ADAMTS20: variants seen among roughly 807,000 people sequenced by gnomAD.
ADAMTS20 encodes the protein A disintegrin and metalloproteinase with thrombospondin motifs 20.
ADAMTS20 carries 225 observed loss-of-function variants against 260.1 expected under a neutral mutation model. That is an observed-to-expected ratio of 0.87 (90% CI 0.78 to 0.97). ADAMTS20 has a LOEUF of 0.97. Ranked by LOEUF, ADAMTS20 falls within the 50% of genes least tolerant of loss-of-function variation. The probability of loss-of-function intolerance (pLI) is 0.00; values close to 1 mark genes in which losing one functional copy is unlikely to be tolerated. For synonymous variants in ADAMTS20, 802 were observed against 769.5 expected, an observed-to-expected ratio of 1.04 and a Z score of -0.70; for missense variants, 2,400 against 2,337.7, an observed-to-expected ratio of 1.03 and a Z score of -0.55.
At chr12:43,457,019 A>T (rs1002040132) in intron 11 of ADAMTS20, among the ~76,000 whole-genome samples, 1 of 152,218 alleles carries the variant, frequency 6.6e-6, no homozygotes, top group African/African-American at 2.4e-5. Context: ...GAACATACTG[A>T]CATACTGATT....
intron 18 of ADAMTS20, among the ~76,000 whole-genome samples, chr12:43,439,204 A>G (rs1429026418): frequency 6.6e-6 from 1 of 152,162 alleles, no homozygotes; most frequent in Non-Finnish European, 1.5e-5. Flanking sequence ...GGGAAGGAAA[A>G]TAAAAGACAA....
chr12:43,427,702 A>C (rs1179295057), intron 26 of ADAMTS20, among the ~76,000 whole-genome samples: 1 of 152,242 alleles, frequency 6.6e-6, no homozygotes, highest in African/African-American at 2.4e-5. Flanking sequence ...TGCATTAGGA[A>C]ACAATTTTCA....
At chr12:43,538,989 A>G (rs1372769634) in intron 2 of ADAMTS20, among the ~76,000 whole-genome samples, 2 of 134,792 alleles carry the variant, frequency 1.5e-5, no homozygotes, top group Non-Finnish European at 3.1e-5. Flanking sequence ...GTCTCACTCT[A>G]TCACACAGAC....
At chr12:43,502,069 G>GA (rs1377283642) in intron 4 of ADAMTS20, 83 bp downstream of exon 4, 20 of 1,334,372 alleles carry the variant, frequency 1.5e-5, no homozygotes, top group African/African-American at 1.5e-5. Flanking sequence ...AAAGAGTTTG[G>GA]AAAAAAAATT....
chr12:43,506,788 T>G (rs935966158), intron 3 of ADAMTS20, among the ~76,000 whole-genome samples: 10 of 152,012 alleles, frequency 6.6e-5, no homozygotes, highest in Non-Finnish European at 1.2e-4. Context: ...ACCTTTTTTT[T>G]TTTTTTTTTA....
intron 14 of ADAMTS20, 42 bp downstream of exon 14, chr12:43,452,232 T>C: frequency 1.3e-6 from 2 of 1,544,936 alleles, no homozygotes; most frequent in Non-Finnish European, 1.7e-6. Flanking sequence ...ACATTATTCT[T>C]AAAGTCACTT....
chr12:43,386,999 A>G (rs192711937), intron 29 of ADAMTS20, among the ~76,000 whole-genome samples: 15 of 152,256 alleles, frequency 9.9e-5, no homozygotes, highest in Non-Finnish European at 2.1e-4. Context: ...CAAATCGCCA[A>G]ACTCATTCTC....
chr12:43,493,906 G>C (rs1942641538), intron 4 of ADAMTS20, among the ~76,000 whole-genome samples: 1 of 152,128 alleles, frequency 6.6e-6, no homozygotes, highest in Non-Finnish European at 1.5e-5. Context: ...GTCACAACCT[G>C]GTCCTCAATT....
intron 31 of ADAMTS20, among the ~76,000 whole-genome samples, chr12:43,379,004 C>A (rs1397776448): frequency 6.6e-6 from 1 of 152,134 alleles, no homozygotes; most frequent in Non-Finnish European, 1.5e-5. Context: ...CTTTCTAGCT[C>A]CATGGTAACC....
At chr12:43,529,784 T>A (rs907706257) in intron 3 of ADAMTS20, among the ~76,000 whole-genome samples, 6 of 152,008 alleles carry the variant, frequency 3.9e-5, no homozygotes, top group African/African-American at 1.4e-4. Context: ...CAAAAACCAC[T>A]AGTACTCCAA....
downstream of ADAMTS20, among the ~76,000 whole-genome samples, chr12:43,353,455 T>C (rs1939676065): frequency 6.6e-6 from 1 of 151,958 alleles, no homozygotes; most frequent in Non-Finnish European, 1.5e-5. Flanking sequence ...ATATTAACAT[T>C]ATAAAAACAA....
At chr12:43,410,342 C>A (rs768133034) in intron 28 of ADAMTS20, among the ~76,000 whole-genome samples, 109 of 152,172 alleles carry the variant, frequency 7.2e-4, no homozygotes, top group Admixed American at 1.6e-3. Context: ...TTTAGAAAAA[C>A]CATTCATGGA....
chr12:43,445,484 A>AC (rs1399874910), intron 15 of ADAMTS20, among the ~76,000 whole-genome samples: 2 of 152,180 alleles, frequency 1.3e-5, no homozygotes, highest in Non-Finnish European at 2.9e-5. Flanking sequence ...TTTAAATTAT[A>AC]CTGTTTTAAT....
At chr12:43,508,846 A>G (rs1942883061) in intron 3 of ADAMTS20, among the ~76,000 whole-genome samples, 1 of 152,120 alleles carries the variant, frequency 6.6e-6, no homozygotes, top group Non-Finnish European at 1.5e-5. Context: ...GACTTTATTC[A>G]TTCTATCTAA....
chr12:43,531,288 T>A (rs1271557205), intron 3 of ADAMTS20, among the ~76,000 whole-genome samples: 1 of 152,098 alleles, frequency 6.6e-6, no homozygotes, highest in African/African-American at 2.4e-5. Flanking sequence ...AGCAATGTGT[T>A]TTTACTGTTA....
At chr12:43,407,768 T>C (rs1481446670) in intron 28 of ADAMTS20, among the ~76,000 whole-genome samples, 1 of 152,164 alleles carries the variant, frequency 6.6e-6, no homozygotes, top group Non-Finnish European at 1.5e-5. Flanking sequence ...ACATTAGTTA[T>C]TGAACTTGAG....
rs1940056860 is a variant in ADAMTS20, at chr12:43,369,354, A to C, written c.5474T>G (p.Ile1825Arg). ...GGCAAATGGAACTGCATTTCCAAATATTGTTTTGGAAAAAAGAAGGTCCGT... is the reference window on the plus strand; with the variant it reads ...GGCAAATGGAACTGCATTTCCAAATCTTGTTTTGGAAAAAAGAAGGTCCGT... ...KTTDLLFSKT[I>R]FGNAVPFATA... The change falls in exon 37 of 39, where the codon ATA becomes AGA. Residue 1825 changes from isoleucine to arginine, a missense_variant. By Grantham distance (97) the Ile-to-Arg change is moderately conservative (BLOSUM62 -3). Transcript: ENST00000389420. The C allele has an allele frequency of 3.9e-6, 6 of 1,557,158 alleles. No individual in the cohort carries two copies. Among genetic ancestry groups the C allele is most frequent in the Non-Finnish European group, 5.2e-6 (6 of 1,152,812 alleles).
Position 43,502,298 on chromosome 12 carries a change from G to T in ADAMTS20, c.721C>A (p.Pro241Thr). The T allele has an allele frequency of 6.2e-7, 1 of 1,611,616 alleles. No homozygotes were observed. The highest frequency in any genetic ancestry group is 1.1e-5 in the South Asian group (1 of 90,798). ...GAATGTCTTCTTTCATCTTTCAATG[G>T]TACATTTTTTGATGTGTGTCCTAAA... is the stretch of plus-strand genomic sequence containing the variant. Reference protein sequence around the residue: ...RVLGHTSKNVPLKDERRHSRK... With the variant: ...RVLGHTSKNVTLKDERRHSRK... The change falls in exon 4 of 39, where the codon CCA (proline) becomes ACA (threonine). Residue 241 changes from proline (P) to threonine (T), a missense_variant. Physicochemically the swap from Pro to Thr is conservative, Grantham distance 38 (BLOSUM62 -1). Transcript: ENST00000389420.
rs761542663 is a variant in ADAMTS20 at position 43,466,744 on chromosome 12, T to G, written c.1275A>C (p.Thr425=). 1 of 1,610,328 alleles carries G rather than the reference T, an allele frequency of 6.2e-7. No homozygotes were observed. The highest frequency in any genetic ancestry group is 8.5e-7 in the Non-Finnish European group (1 of 1,177,286). ...AAGCAGGGGCCATTACATGATACTT[T>G]GTAACTTTCATTTCTTTACATCTAG... ...DNPRCKEMKV[T]KYHVMAPALS... is the part of the protein sequence containing the mutation. The change falls in exon 9 of 39, where the codon ACA becomes ACC. Residue 425 remains threonine (T), a synonymous_variant. Transcript: ENST00000389420.
Sources: allele counts gnomAD v4.1 joint callset (sites outside exome capture counted in the v4.1 genomes callset), GRCh38; gene constraint gnomAD v4.1.1; transcripts MANE v1.5; gene names NCBI Gene and HGNC (gene_info 2026-07-23, HGNC 2026-07-21).